The following DACH1 variants were observed in gnomAD, a reference collection of about 807,000 sequenced individuals.
The protein encoded by DACH1 is dachshund family transcription factor 1, also known as dachshund homolog 1.
Under a neutral mutation model 54.2 loss-of-function variants are expected in DACH1, and 12 were observed. The observed-to-expected ratio is 0.22, with a 90% confidence interval of 0.14 to 0.36. DACH1 has a LOEUF of 0.36. Ranked by LOEUF, DACH1 falls within the 10% of genes least tolerant of loss-of-function variation. DACH1 has a pLI of 1.00. For missense variants in DACH1, 805 were observed against 929.8 expected, an observed-to-expected ratio of 0.87 and a Z score of 1.75; for synonymous variants, 386 against 366.2, an observed-to-expected ratio of 1.05 and a Z score of -0.62.
intron 6 of DACH1, among the ~76,000 whole-genome samples, chr13:71,515,960 C>T (rs1331029): frequency 0.93 from 141,158 of 151,880 alleles, 66,502 homozygotes; most frequent in East Asian, 1. Flanking sequence ...CAGAGCACAA[C>T]GATTCTGCCC....
intron 1 of DACH1, among the ~76,000 whole-genome samples, chr13:71,830,144 G>T (rs1167422788): frequency 6.6e-6 from 1 of 151,806 alleles, no homozygotes; most frequent in East Asian, 1.9e-4. Context: ...TAGTAAAAAA[G>T]TTAAGAATAC....
Position 71,679,941 on chromosome 13 carries a change from C to CAAAAA in DACH1, c.964+1849_964+1853dup, listed in dbSNP as rs71123298. 4.5e-3 allele frequency among the ~76,000 whole-genome samples: 313 copies of CAAAAA among 70,190 alleles called. 1 individual carries two copies. Among genetic ancestry groups the CAAAAA allele is most frequent in the Non-Finnish European group, 6.9e-3 (238 of 34,416 alleles). The allele number at this position is 70,190 out of a possible 152,430, so 46.0% of individuals were successfully genotyped here. A position where few individuals can be genotyped will look rare whatever the true frequency, so the allele number is the denominator to read the frequency against. On this transcript the variant is annotated intron_variant, in intron 2 of 10. Coordinates refer to ENST00000613252, the MANE Select transcript of DACH1 (RefSeq NM_080759.6). ...CTGGTGACAGAGCGAGACTCCGTCT[C>CAAAAA]AAAAAAAAAAAAAAAAAAACGGAAA...
chr13:71,817,299 G>A (rs1381211627), intron 1 of DACH1, among the ~76,000 whole-genome samples: 1 of 152,180 alleles, frequency 6.6e-6, no homozygotes, highest in African/African-American at 2.4e-5. Flanking sequence ...CCATATGCCA[G>A]CTCCCAGGAC....
chr13:71,569,355 A>G (rs1885067629), intron 4 of DACH1, among the ~76,000 whole-genome samples: 1 of 152,116 alleles, frequency 6.6e-6, no homozygotes, highest in African/African-American at 2.4e-5. Context: ...GCATGTGAAA[A>G]TAGCCATAGA....
At chr13:71,607,010 T>C (rs953396722) in intron 3 of DACH1, among the ~76,000 whole-genome samples, 1 of 152,036 alleles carries the variant, frequency 6.6e-6, no homozygotes, top group East Asian at 1.9e-4. Flanking sequence ...ACTCATGTGA[T>C]TGGGAACAAA....
Position 71,769,111 on chromosome 13 carries a change from T to A in DACH1, c.849-87201A>T, listed in dbSNP as rs187674657. Among the ~76,000 whole-genome samples, 8 of 151,942 alleles carry A rather than the reference T, an allele frequency of 5.3e-5. No homozygotes were observed. In the East Asian group the frequency reaches 1.5e-3, roughly 29 times the overall value. The stretch of plus-strand genomic sequence containing the variant: ...ATTCAGTACAAATAGTGTGAGTTTG[T>A]TTGCAGTTAAGATAGAATAGCAACT... On this transcript the variant is annotated intron_variant, in intron 1 of 10. Transcript: ENST00000613252.
At chr13:71,454,516 G>A in intron 10 of DACH1, among the ~76,000 whole-genome samples, 1 of 152,072 alleles carries the variant, frequency 6.6e-6, no homozygotes, top group East Asian at 1.9e-4. Context: ...TGCAAGTTGT[G>A]GGCACACTCT....
chr13:71,529,183 G>GTTTTTT (rs10707603), intron 6 of DACH1, among the ~76,000 whole-genome samples: 24 of 80,980 alleles, frequency 3.0e-4, no homozygotes, highest in African/African-American at 1.0e-3. Context: ...TGTGATTTGG[G>GTTTTTT]TTTTTTTTTT....
At position 71,745,769 on chromosome 13, in the gene DACH1, C is replaced by T. The variant is rs192031976; in HGVS notation, c.849-63859G>A. Among the ~76,000 whole-genome samples, 603 of 152,204 alleles carry T rather than the reference C, an allele frequency of 4.0e-3. 2 individuals carry two copies. The highest frequency in any genetic ancestry group is 0.014 in the African/African-American group (567 of 41,530). On this transcript the variant is annotated intron_variant, in intron 1 of 10. Transcript: ENST00000613252. ...GAGAACTGCCATTATGCAAACAAAACGGTGTACTCAATCCCAATAAAACTG... is the reference window on the plus strand; with the variant it reads ...GAGAACTGCCATTATGCAAACAAAATGGTGTACTCAATCCCAATAAAACTG...
chr13:71,695,811 G>T (rs576939064), intron 1 of DACH1, among the ~76,000 whole-genome samples: 435 of 152,298 alleles, frequency 2.9e-3, no homozygotes, highest in Admixed American at 4.5e-3. Flanking sequence ...AATTGTGTTT[G>T]TTCAGTAGCC....
intron 6 of DACH1, among the ~76,000 whole-genome samples, chr13:71,532,824 A>G (rs1167863553): frequency 6.6e-6 from 1 of 151,858 alleles, no homozygotes; most frequent in East Asian, 1.9e-4. Context: ...TCATATATAA[A>G]TATATTTCAC....
Position 71,475,777 on chromosome 13 carries a change from G to A in DACH1, c.1943C>T (p.Thr648Met), listed in dbSNP as rs1217346110. The A allele has an allele frequency of 8.1e-6, 13 of 1,613,524 alleles. No homozygotes were observed. The East Asian group carries it at 8.9e-5, about 11-fold the overall frequency. The part of the protein sequence containing the change: ...RKLQEALEFE[T>M]KRREQAEQTL... ...CTGTTCTGCTTGTTCACGCCGTTTC[G>A]TCTCAAACTCAAGTGCTTCCTGCAA... Residue 648 changes from threonine (T) to methionine (M), a missense_variant, in exon 9 of 11, where the codon ACG (threonine) becomes ATG (methionine). By Grantham distance (81) the Thr-to-Met change is moderately conservative (BLOSUM62 -1). This residue lies in a region of DACH1 where 472 missense variants were observed against 545.3 expected (regional missense o/e 0.87). Transcript: ENST00000613252.
intron 6 of DACH1, 120 bp from the exon 7 acceptor site, chr13:71,489,268 G>A: frequency 9.1e-7 from 1 of 1,099,692 alleles, no homozygotes; most frequent in Non-Finnish European, 1.3e-6. Flanking sequence ...CCTGCTATCA[G>A]GAGAAAATGC....
intron 1 of DACH1, among the ~76,000 whole-genome samples, chr13:71,742,349 T>C (rs1013872579): frequency 6.6e-6 from 1 of 152,202 alleles, no homozygotes; most frequent in Admixed American, 6.5e-5. Context: ...AATTTGTTAC[T>C]AATTTTCCTC....
chr13:71,560,643 CTATTT>C (rs1255564659), intron 4 of DACH1, among the ~76,000 whole-genome samples: 1 of 152,128 alleles, frequency 6.6e-6, no homozygotes, highest in Non-Finnish European at 1.5e-5. Flanking sequence ...TCCTGATACT[CTATTT>C]TATGTCAACA....
intron 1 of DACH1, among the ~76,000 whole-genome samples, chr13:71,828,672 G>A (rs1888472862): frequency 6.6e-6 from 1 of 151,816 alleles, no homozygotes; most frequent in Non-Finnish European, 1.5e-5. Flanking sequence ...GTAGGCTCAA[G>A]GCAAAGTTAA....
chr13:71,728,204 C>A (rs576868079), intron 1 of DACH1, among the ~76,000 whole-genome samples: 1 of 151,908 alleles, frequency 6.6e-6, no homozygotes, highest in Non-Finnish European at 1.5e-5. Flanking sequence ...AAAAAGAAAG[C>A]ATTTTATTCA....
intron 1 of DACH1, among the ~76,000 whole-genome samples, chr13:71,793,710 A>T (rs573061296): frequency 6.6e-6 from 1 of 151,986 alleles, no homozygotes; most frequent in Admixed American, 6.6e-5. Context: ...TATTTTTTGT[A>T]GAGATGAGGT....
At chr13:71,640,346 T>A (rs1877805647) in intron 2 of DACH1, among the ~76,000 whole-genome samples, 1 of 152,010 alleles carries the variant, frequency 6.6e-6, no homozygotes, top group East Asian at 1.9e-4. Context: ...TTAGAGTGTA[T>A]CTGCCACAGA....
Sources: allele counts gnomAD v4.1 joint callset (sites outside exome capture counted in the v4.1 genomes callset), GRCh38; gene constraint gnomAD v4.1.1; regional missense constraint gnomAD v4.1.1; transcripts MANE v1.5; gene names NCBI Gene and HGNC (gene_info 2026-07-23, HGNC 2026-07-21).